The following MMP26 variants were observed in gnomAD, a reference collection of about 807,000 sequenced individuals.
MMP26 encodes matrix metallopeptidase 26, also known as matrix metalloproteinase-26.
In MMP26, 33 loss-of-function variants were observed where a neutral mutation model predicts 31.0. That is an observed-to-expected ratio of 1.06 (90% CI 0.81 to 1.42). The LOEUF (loss-of-function observed/expected upper bound fraction) is 1.42. Among genes scored for constraint, MMP26 ranks in the 40% most tolerant of loss-of-function variants. The pLI is 0.00. For synonymous variants in MMP26, 122 were observed against 114.9 expected, an observed-to-expected ratio of 1.06 and a Z score of -0.40; for missense variants, 347 against 316.1, an observed-to-expected ratio of 1.10 and a Z score of -0.74.
chr11:4,956,010 C>T (rs901589817), intron 2 of MMP26, among the ~76,000 whole-genome samples: 2 of 152,094 alleles, frequency 1.3e-5, no homozygotes, highest in African/African-American at 2.4e-5. Context: ...GTTAGTTACA[C>T]GTCTGATTTT....
At chr11:4,833,993 T>A (rs1012052327) in intron 2 of MMP26, among the ~76,000 whole-genome samples, 1 of 152,140 alleles carries the variant, frequency 6.6e-6, no homozygotes, top group Non-Finnish European at 1.5e-5. Flanking sequence ...CGATGGTATG[T>A]GCTTGGTAGA....
chr11:4,962,060 T>C (rs1006124034), intron 2 of MMP26, among the ~76,000 whole-genome samples: 125 of 152,282 alleles, frequency 8.2e-4, no homozygotes, highest in African/African-American at 2.9e-3. Context: ...GTTTTTTGTA[T>C]ATTTATTCCT....
rs370103265 is a variant in MMP26, at chr11:4,821,657, C to T, written c.-145+54316C>T. ...ACAGACCTGAGCTTGTCCCTGTGTA[C>T]ACTTTCTACTACCCTTGGTGTCTTC... On this transcript the variant is annotated intron_variant, in intron 2 of 7. Coordinates refer to ENST00000380390, the MANE Select transcript of MMP26 (RefSeq NM_021801.5). 2.5e-5 allele frequency: 40 copies of T among 1,614,086 alleles called. No homozygotes were observed. The African/African-American group carries it at 4.5e-4, about 18-fold the overall frequency.
At chr11:4,921,689 G>A (rs565894935) in intron 2 of MMP26, among the ~76,000 whole-genome samples, 1 of 152,284 alleles carries the variant, frequency 6.6e-6, no homozygotes, top group South Asian at 2.1e-4. Flanking sequence ...GAGCCATTGT[G>A]TACCTTTGTA....
chr11:4,896,807 A>T (rs1850710240), intron 2 of MMP26, among the ~76,000 whole-genome samples: 1 of 152,040 alleles, frequency 6.6e-6, no homozygotes, highest in Admixed American at 6.5e-5. Flanking sequence ...AGTGCTAAAA[A>T]CTCAAAATCT....
chr11:4,807,617 T>TGGGGGGGG (rs1554934986), intron 2 of MMP26, among the ~76,000 whole-genome samples: 1 of 5,372 alleles, frequency 1.9e-4, no homozygotes, highest in South Asian at 6.3e-3. Flanking sequence ...GGGGCCTGTC[T>TGGGGGGGG]GGGGGTGGGG....
chr11:4,778,614 A>G (rs915156670), intron 2 of MMP26, among the ~76,000 whole-genome samples: 1 of 152,026 alleles, frequency 6.6e-6, no homozygotes, highest in Admixed American at 6.6e-5. Context: ...TATACTTCAC[A>G]TTTTCACATA....
chr11:4,899,101 T>A (rs1850764138), intron 2 of MMP26, among the ~76,000 whole-genome samples: 1 of 152,146 alleles, frequency 6.6e-6, no homozygotes, highest in Non-Finnish European at 1.5e-5. Flanking sequence ...ATAAACTGGA[T>A]GAGACAAGTT....
At chr11:4,888,575 T>A (rs547427124) in intron 2 of MMP26, among the ~76,000 whole-genome samples, 3 of 152,152 alleles carry the variant, frequency 2.0e-5, no homozygotes, top group Non-Finnish European at 4.4e-5. Context: ...TCCTATTTTT[T>A]ACCAAAAGCA....
At chr11:4,929,503 A>T (rs989852842) in intron 2 of MMP26, among the ~76,000 whole-genome samples, 1 of 152,190 alleles carries the variant, frequency 6.6e-6, no homozygotes. Flanking sequence ...AGAACACTGT[A>T]TATAAAAGTG....
intron 2 of MMP26, chr11:4,822,057 C>G: frequency 1.2e-6 from 2 of 1,613,704 alleles, no homozygotes; most frequent in South Asian, 2.2e-5. Flanking sequence ...CAGGGTTTGA[C>G]TGCCCTTGCA....
At chr11:4,746,057 C>T (rs1382024042) in intron 1 of MMP26, among the ~76,000 whole-genome samples, 1 of 152,192 alleles carries the variant, frequency 6.6e-6, no homozygotes. Context: ...TGTATTCAGA[C>T]TATGGATTAA....
rs535193199 is a variant in MMP26 at position 4,895,219 on chromosome 11, AAATTCTTTATATACATCATTAC to A, written c.-144-92830_-144-92809del. Among the ~76,000 whole-genome samples the A allele has an allele frequency of 6.1e-3, 922 of 152,320 alleles. 4 individuals carry two copies. The highest frequency in any genetic ancestry group is 9.8e-3 in the Non-Finnish European group (668 of 68,016). Reference sequence around the variant, plus strand: ...GGATGCTTTTCTTAGATGATGTCTTAAATTCTTTATATACATCATTACAATTCTTTATATACATCAACAACCC... The same window carrying A: ...GGATGCTTTTCTTAGATGATGTCTTAAATTCTTTATATACATCAACAACCC... On this transcript the variant is annotated intron_variant, in intron 2 of 7. Coordinates refer to ENST00000380390, the MANE Select transcript of MMP26 (RefSeq NM_021801.5).
Position 4,935,123 on chromosome 11 carries a change from G to T in MMP26, c.-144-52945G>T, listed in dbSNP as rs908589279. Among the ~76,000 whole-genome samples, 12 of 151,860 alleles carry T rather than the reference G, an allele frequency of 7.9e-5. 1 individual carries two copies. The highest frequency in any genetic ancestry group is 2.9e-4 in the African/African-American group (12 of 41,412). On this transcript the variant is annotated intron_variant, in intron 2 of 7. Transcript: ENST00000380390. Reference sequence around the variant, plus strand: ...TCCAATTCTGTGAAAAAAGTCATTGGTAGCTTGATGGGGATGGCATTGAAT... The same window carrying T: ...TCCAATTCTGTGAAAAAAGTCATTGTTAGCTTGATGGGGATGGCATTGAAT...
At chr11:4,729,077 T>C (rs1423694417) in intron 1 of MMP26, among the ~76,000 whole-genome samples, 1 of 151,684 alleles carries the variant, frequency 6.6e-6, no homozygotes, top group African/African-American at 2.4e-5. Flanking sequence ...GTTCCAATTT[T>C]TTGCCATGAC....
At chr11:4,731,955 C>G (rs1774469450) in intron 1 of MMP26, among the ~76,000 whole-genome samples, 1 of 152,162 alleles carries the variant, frequency 6.6e-6, no homozygotes, top group South Asian at 2.1e-4. Flanking sequence ...TCTGTTCCTC[C>G]TGGATGTTGC....
At chr11:4,843,706 C>T (rs965021643) in intron 2 of MMP26, among the ~76,000 whole-genome samples, 2 of 152,192 alleles carry the variant, frequency 1.3e-5, no homozygotes, top group Non-Finnish European at 2.9e-5. Flanking sequence ...TGGCTATTAA[C>T]GTTTGGCTCC....
intron 2 of MMP26, among the ~76,000 whole-genome samples, chr11:4,874,961 G>A (rs1432443865): frequency 6.6e-6 from 1 of 152,124 alleles, no homozygotes; most frequent in African/African-American, 2.4e-5. Flanking sequence ...TAGAAGCGTG[G>A]AAGGAAAAGA....
chr11:4,808,162 A>G (rs1206772041), intron 2 of MMP26, among the ~76,000 whole-genome samples: 1 of 152,126 alleles, frequency 6.6e-6, no homozygotes, highest in East Asian at 1.9e-4. Flanking sequence ...TAACAATGAG[A>G]AAACAGAGTT....
Sources: gnomAD v4.1 joint callset for allele counts (sites outside exome capture counted in the v4.1 genomes callset) on GRCh38, gnomAD v4.1.1 for gene constraint, MANE v1.5 for transcripts, NCBI Gene and HGNC (gene_info 2026-07-23, HGNC 2026-07-21) for gene names.